Variants in EPB41 observed in about 807,000 individuals in gnomAD.
EPB41 encodes the protein protein 4.1.
In EPB41, 65 loss-of-function variants were observed where a neutral mutation model predicts 108.0. The ratio of observed to expected loss-of-function variants is 0.60; its 90% CI spans 0.49 to 0.74. The LOEUF (loss-of-function observed/expected upper bound fraction) is 0.74, where lower values mean the gene tolerates loss of function less well. Among genes scored for constraint, EPB41 ranks in the 30% least tolerant of loss-of-function variants. The pLI is 0.00. For synonymous variants in EPB41, 336 were observed against 358.9 expected (o/e 0.94, Z 0.72); for missense variants, 875 against 1,037.0 (o/e 0.84, Z 2.15).
Position 29,053,136 on chromosome 1 carries a change from C to A in EPB41, c.1669C>A (p.Arg557=), listed in dbSNP as rs766647770. 2 of 1,614,184 alleles carry A rather than the reference C, an allele frequency of 1.2e-6. No homozygotes were observed. Among genetic ancestry groups the A allele is most frequent in the Non-Finnish European group, 8.5e-7 (1 of 1,180,028 alleles). Residue 557 remains arginine (R), a synonymous_variant, in exon 12 of 21, where the codon CGG becomes AGG. Transcript: ENST00000343067. ...AAVDSADRSP[R]PTSAPAITQG... is the part of the protein sequence containing the mutation. ...TGTCGATTCGGCAGACCGAAGTCCTCGGCCCACTTCTGCACCTGCCATTAC... is the reference window on the plus strand; with the variant it reads ...TGTCGATTCGGCAGACCGAAGTCCTAGGCCCACTTCTGCACCTGCCATTAC...
chr1:29,092,322 C>A (rs565154013), intron 16 of EPB41, among the ~76,000 whole-genome samples: 7 of 152,002 alleles, frequency 4.6e-5, no homozygotes, highest in Non-Finnish European at 8.8e-5. Flanking sequence ...GAACTCCCAA[C>A]CTCAGGTGAT....
rs559768161 is a variant in EPB41, at chr1:29,066,278, G to T, written c.2184+1120G>T. Among the ~76,000 whole-genome samples the T allele has an allele frequency of 2.4e-4, 36 of 152,142 alleles. No individual in the cohort carries two copies. The South Asian group carries it at 3.5e-3, about 15-fold the overall frequency. On this transcript the variant is annotated intron_variant, in intron 16 of 20. Transcript: ENST00000343067. The stretch of plus-strand genomic sequence containing the variant: ...TACTAAATATACAAAAATTAGCCGG[G>T]CATGGTGGCACATGCCTGTAATCCC...
chr1:29,075,278 G>A (rs1653519418), intron 16 of EPB41, among the ~76,000 whole-genome samples: 1 of 151,908 alleles, frequency 6.6e-6, no homozygotes, highest in African/African-American at 2.4e-5. Flanking sequence ...AGGAGTTCAA[G>A]ACCAGCCTGG....
intron 1 of EPB41, among the ~76,000 whole-genome samples, chr1:28,888,165 C>A (rs1447406325): frequency 6.6e-6 from 1 of 152,218 alleles, no homozygotes; most frequent in Non-Finnish European, 1.5e-5. Context: ...CGGGAACGGA[C>A]GACCCCTTCT....
intron 1 of EPB41, among the ~76,000 whole-genome samples, chr1:28,963,461 A>G (rs145047215): frequency 0.015 from 2,268 of 152,164 alleles, 97 homozygotes; most frequent in Admixed American, 0.099. Flanking sequence ...TCTGGTAACA[A>G]TGGAGAAATA....
At position 29,106,002 on chromosome 1, in the gene EPB41, G is replaced by A. The variant is rs539533681; in HGVS notation, c.2314-3334G>A. On this transcript the variant is annotated intron_variant, in intron 17 of 20. Transcript: ENST00000343067. ...TGACCTCAGGCAATCCACCTGCCTC[G>A]GCCTCCCACAGTGCTGGGATTTCAG... Among the ~76,000 whole-genome samples, 346 of 152,098 alleles carry A rather than the reference G, an allele frequency of 2.3e-3. 1 individual carries two copies. The highest frequency in any genetic ancestry group is 3.4e-3 in the Non-Finnish European group (232 of 67,970).
At chr1:28,952,069 G>T (rs919965288) in intron 1 of EPB41, among the ~76,000 whole-genome samples, 1 of 152,092 alleles carries the variant, frequency 6.6e-6, no homozygotes, top group Non-Finnish European at 1.5e-5. Flanking sequence ...AGCAAGGGTA[G>T]GGTTAGAGGA....
At chr1:29,034,976 T>C (rs937417089) in intron 9 of EPB41, among the ~76,000 whole-genome samples, 2 of 69,206 alleles carry the variant, frequency 2.9e-5, no homozygotes, top group South Asian at 4.3e-4. Context: ...GTTTGTTGTT[T>C]TTTTTTTTTT....
At chr1:29,106,876 T>C (rs1372538823) in intron 17 of EPB41, among the ~76,000 whole-genome samples, 7 of 150,380 alleles carry the variant, frequency 4.7e-5, no homozygotes, top group Non-Finnish European at 1.0e-4. Context: ...CAGTCCCCAG[T>C]ATTGCTTTTA....
At chr1:28,980,397 AG>A (rs1019626526) in intron 1 of EPB41, among the ~76,000 whole-genome samples, 34 of 152,000 alleles carry the variant, frequency 2.2e-4, no homozygotes, top group Admixed American at 2.1e-3. Context: ...TGATGTCACT[AG>A]GGGAGGGTTG....
chr1:29,073,695 CTCTT>C (rs987530324), intron 16 of EPB41, among the ~76,000 whole-genome samples: 10 of 152,262 alleles, frequency 6.6e-5, no homozygotes, highest in African/African-American at 2.4e-4. Flanking sequence ...TTTTGGGCCT[CTCTT>C]TCAGCCAGTT....
intron 1 of EPB41, among the ~76,000 whole-genome samples, chr1:28,985,408 G>A (rs1253271778): frequency 1.3e-5 from 2 of 152,082 alleles, no homozygotes; most frequent in East Asian, 1.9e-4. Context: ...GCTGGAGAGA[G>A]GGAAGAAAGA....
rs540755945 is a variant in EPB41 at position 29,091,311 on chromosome 1, C to A, written c.2185-6496C>A. ...AAATTATTTGAAGAAGCCCAAAGTT[C>A]CTCTCCATGTGAATGGGTTTAGATA... is the stretch of plus-strand genomic sequence containing the variant. On this transcript the variant is annotated intron_variant, in intron 16 of 20. Coordinates refer to ENST00000343067, the MANE Select transcript of EPB41 (RefSeq NM_001376013.1). Among the ~76,000 whole-genome samples, 41 of 152,306 alleles carry A rather than the reference C, an allele frequency of 2.7e-4. 3 individuals are homozygous for A. In the South Asian group the frequency reaches 7.9e-3, roughly 29 times the overall value.
At chr1:29,074,884 C>T (rs187417369) in intron 16 of EPB41, among the ~76,000 whole-genome samples, 2 of 152,284 alleles carry the variant, frequency 1.3e-5, no homozygotes, top group African/African-American at 2.4e-5. Flanking sequence ...TGTGTCCAGG[C>T]GCGGTGGCTC....
chr1:29,017,486 G>C (rs2096592252), intron 6 of EPB41, among the ~76,000 whole-genome samples: 1 of 152,150 alleles, frequency 6.6e-6, no homozygotes, highest in African/African-American at 2.4e-5. Context: ...GCACTCATTT[G>C]GTTTGTTGGA....
upstream of EPB41, chr1:28,911,000 G>T (rs1490717250): frequency 1.0e-6 from 1 of 985,246 alleles, no homozygotes; most frequent in Non-Finnish European, 1.2e-6. Flanking sequence ...CCTCAGAGAC[G>T]GTGCTTGGGA....
At chr1:29,093,721 A>G (rs528394682) in intron 16 of EPB41, among the ~76,000 whole-genome samples, 2 of 152,166 alleles carry the variant, frequency 1.3e-5, no homozygotes, top group African/African-American at 2.4e-5. Flanking sequence ...CCTGACCAAC[A>G]TGGTGAAACT....
chr1:29,008,632 G>C (rs929180943), intron 4 of EPB41, among the ~76,000 whole-genome samples: 4 of 152,168 alleles, frequency 2.6e-5, no homozygotes, highest in Non-Finnish European at 4.4e-5. Context: ...CTACAGTCAT[G>C]CTTTCTCTAA....
intron 17 of EPB41, among the ~76,000 whole-genome samples, chr1:29,101,771 C>T (rs111896307): frequency 2.6e-5 from 4 of 152,090 alleles, no homozygotes; most frequent in African/African-American, 4.8e-5. Context: ...GCGTGGTGGA[C>T]GCACCCATAG....
Sources: allele counts gnomAD v4.1 joint callset (sites outside exome capture counted in the v4.1 genomes callset), GRCh38; gene constraint gnomAD v4.1.1; transcripts MANE v1.5; gene names NCBI Gene and HGNC (gene_info 2026-07-23, HGNC 2026-07-21).